Variants in TRPM3 observed in about 807,000 individuals in gnomAD.
TRPM3 encodes transient receptor potential cation channel subfamily M member 3.
A neutral mutation model predicts 181.2 loss-of-function variants in TRPM3; 77 were observed. That is an observed-to-expected ratio of 0.42 (90% CI 0.35 to 0.51). The LOEUF is 0.51. TRPM3 is among the 20% of genes least tolerant of loss of function. TRPM3 has a pLI of 0.01. For missense variants in TRPM3, 1,759 were observed against 2,196.7 expected, an observed-to-expected ratio of 0.80 and a Z score of 3.98; for synonymous variants, 745 against 796.4, an observed-to-expected ratio of 0.94 and a Z score of 1.09.
At chr9:71,208,983 C>T (rs979348656) in intron 1 of TRPM3, among the ~76,000 whole-genome samples, 4 of 152,146 alleles carry the variant, frequency 2.6e-5, no homozygotes, top group African/African-American at 9.7e-5. Flanking sequence ...TTGTGATGAA[C>T]TTAAGTGAAT....
intron 10 of TRPM3, 55 bp downstream of exon 10, chr9:70,640,505 A>C (rs1310924645): frequency 6.8e-7 from 1 of 1,470,250 alleles, no homozygotes. Context: ...CTCCTTAAAC[A>C]AATACCCTTG....
chr9:71,237,464 A>G lies in TRPM3; in HGVS notation c.183+209189T>C, dbSNP rs564416793. 3.3e-5 allele frequency among the ~76,000 whole-genome samples: 5 copies of G among 152,268 alleles called. No homozygotes were observed. The East Asian group carries it at 9.7e-4, about 29-fold the overall frequency. ...CCTACAAGGTGGCTGAGGGGAAAAA[A>G]GGGTGTGGATAGCAACAGAAAACCC... On this transcript the variant is annotated intron_variant, in intron 1 of 24. Coordinates refer to the TRPM3 transcript ENST00000357533.
At chr9:70,686,694 C>T (rs1245917180) in intron 8 of TRPM3, among the ~76,000 whole-genome samples, 24 of 59,798 alleles carry the variant, frequency 4.0e-4, no homozygotes, top group African/African-American at 1.5e-3. Flanking sequence ...TCTTTCCTTC[C>T]TTCCTTCCTT....
At chr9:70,659,522 C>T (rs2060822583) in intron 9 of TRPM3, among the ~76,000 whole-genome samples, 1 of 152,072 alleles carries the variant, frequency 6.6e-6, no homozygotes, top group African/African-American at 2.4e-5. Context: ...ATTATTCTTG[C>T]AGCACTGTAT....
intron 17 of TRPM3, among the ~76,000 whole-genome samples, chr9:70,617,644 G>T (rs905948906): frequency 6.6e-6 from 1 of 152,136 alleles, no homozygotes; most frequent in East Asian, 1.9e-4. Flanking sequence ...CTTGACTAGA[G>T]TGACCATTTC....
chr9:70,697,192 C>G (rs532774090), intron 8 of TRPM3, among the ~76,000 whole-genome samples: 1 of 152,162 alleles, frequency 6.6e-6, no homozygotes, highest in South Asian at 2.1e-4. Flanking sequence ...CAAGTCCTCA[C>G]GTAAAACTTC....
chr9:70,558,067 G>A (rs1053868079), intron 22 of TRPM3, among the ~76,000 whole-genome samples: 13 of 152,116 alleles, frequency 8.5e-5, no homozygotes, highest in African/African-American at 3.1e-4. Context: ...ATGGACATGT[G>A]ACCCACACCT....
chr9:70,609,907 TAA>T lies in TRPM3; in HGVS notation c.2667+700_2667+701del, dbSNP rs111684042. Among the ~76,000 whole-genome samples the T allele has an allele frequency of 2.3e-4, 34 of 144,908 alleles. 1 individual carries two copies. Among genetic ancestry groups the T allele is most frequent in the Admixed American group, 5.5e-4 (8 of 14,582 alleles). ...GATGACCTGGGCCAAAAGCTCATCTTAAAAAAAAAAAAAATCACTGAACAGTA... is the reference window on the plus strand; with the variant it reads ...GATGACCTGGGCCAAAAGCTCATCTTAAAAAAAAAAAATCACTGAACAGTA... On this transcript the variant is annotated intron_variant, in intron 19 of 25. Transcript: ENST00000677713.
intron 1 of TRPM3, among the ~76,000 whole-genome samples, chr9:71,420,619 CAGAAAA>C (rs992589016): frequency 6.5e-4 from 55 of 84,930 alleles, no homozygotes; most frequent in Admixed American, 2.3e-3. Flanking sequence ...GAAAGAAAGA[CAGAAAA>C]AGAAAAAGAA....
intron 7 of TRPM3, among the ~76,000 whole-genome samples, chr9:70,776,870 C>A (rs945945887): frequency 1.3e-5 from 2 of 152,194 alleles, no homozygotes; most frequent in Non-Finnish European, 2.9e-5. Flanking sequence ...CCATAGGCCA[C>A]TCTCAATGGA....
intron 1 of TRPM3, among the ~76,000 whole-genome samples, chr9:71,420,739 GAGAGAGAAAGAGAGAGA>G (rs2093727314): frequency 1.1e-5 from 1 of 91,084 alleles, no homozygotes; most frequent in Non-Finnish European, 2.3e-5. Flanking sequence ...GAGAGAGAAA[GAGAGAGAAAGAGAGAGA>G]AAGAGAGAGA....
At chr9:70,932,462 C>T (rs1440140562) in intron 1 of TRPM3, among the ~76,000 whole-genome samples, 1 of 152,032 alleles carries the variant, frequency 6.6e-6, no homozygotes, top group Non-Finnish European at 1.5e-5. Context: ...CTTAAGATCT[C>T]ATGATGGAGA....
At chr9:71,429,140 T>C (rs1470638145) in intron 1 of TRPM3, among the ~76,000 whole-genome samples, 1 of 152,188 alleles carries the variant, frequency 6.6e-6, no homozygotes, top group African/African-American at 2.4e-5. Flanking sequence ...CCTTAACTCA[T>C]TTCTCCCAAC....
intron 1 of TRPM3, among the ~76,000 whole-genome samples, chr9:71,002,607 CT>C (rs1006749412): frequency 6.5e-4 from 99 of 152,254 alleles, no homozygotes; most frequent in African/African-American, 2.3e-3. Context: ...TCCTTTTCCC[CT>C]ATCATACCTA....
At chr9:71,063,495 G>T (rs576933179) in intron 1 of TRPM3, among the ~76,000 whole-genome samples, 1 of 152,070 alleles carries the variant, frequency 6.6e-6, no homozygotes, top group Non-Finnish European at 1.5e-5. Flanking sequence ...GTAAATTAAT[G>T]TTATAAGGTC....
chr9:71,350,167 TC>T (rs1210225222), intron 1 of TRPM3, among the ~76,000 whole-genome samples: 2 of 152,052 alleles, frequency 1.3e-5, no homozygotes, highest in African/African-American at 4.8e-5. Context: ...ATGAGATGTT[TC>T]CACAAATAAA....
intron 6 of TRPM3, among the ~76,000 whole-genome samples, chr9:70,794,563 C>G (rs1411323979): frequency 6.6e-6 from 1 of 152,170 alleles, no homozygotes; most frequent in Non-Finnish European, 1.5e-5. Flanking sequence ...TAGTCTCACT[C>G]TCTCGGAGGA....
chr9:71,320,952 C>T (rs1462349362), intron 1 of TRPM3, among the ~76,000 whole-genome samples: 1 of 152,086 alleles, frequency 6.6e-6, no homozygotes, highest in African/African-American at 2.4e-5. Context: ...CTCCCTCATC[C>T]TCCTCCCACA....
chr9:70,676,894 G>C (rs1342910806), intron 9 of TRPM3, among the ~76,000 whole-genome samples: 1 of 151,976 alleles, frequency 6.6e-6, no homozygotes, highest in Non-Finnish European at 1.5e-5. Flanking sequence ...ATAGAGACCA[G>C]AACCCCATTT....
Sources: gnomAD v4.1 joint callset for allele counts (sites outside exome capture counted in the v4.1 genomes callset) on GRCh38, gnomAD v4.1.1 for gene constraint, MANE v1.5 for transcripts, NCBI Gene and HGNC (gene_info 2026-07-23, HGNC 2026-07-21) for gene names.